Variants in AGTRAP observed in about 807,000 individuals in gnomAD.
AGTRAP encodes type-1 angiotensin II receptor-associated protein.
AGTRAP carries 7 observed loss-of-function variants against 15.2 expected under a neutral mutation model. The ratio of observed to expected loss-of-function variants is 0.46; its 90% confidence interval spans 0.26 to 0.87. The LOEUF (loss-of-function observed/expected upper bound fraction) is 0.87, where lower values mean the gene tolerates loss of function less well. Among genes scored for constraint, AGTRAP ranks in the 40% least tolerant of loss-of-function variants. AGTRAP has a pLI of 0.15. For missense variants in AGTRAP, 187 were observed against 213.4 expected, an observed-to-expected ratio of 0.88 and a Z score of 0.77; for synonymous variants, 74 against 89.6, an observed-to-expected ratio of 0.83 and a Z score of 0.98.
intron 1 of AGTRAP, among the ~76,000 whole-genome samples, chr1:11,741,951 TGAGAAAGGAATTTCTTTTGGGCCACA>T (rs1344655933): frequency 2.0e-5 from 3 of 152,218 alleles, no homozygotes; most frequent in Non-Finnish European, 4.4e-5. Context: ...CTCTTGGAGC[TGAGAAAGGAATTTCTTTTGGGCCACA>T]GAGCCAGGCC....
chr1:11,749,110 C>T (rs988023555), intron 4 of AGTRAP, among the ~76,000 whole-genome samples: 2 of 152,200 alleles, frequency 1.3e-5, no homozygotes, highest in African/African-American at 4.8e-5. Flanking sequence ...CAGCCCTGAA[C>T]AGGGGGCACT....
chr1:11,736,604 C>T (rs1359929893), intron 1 of AGTRAP, among the ~76,000 whole-genome samples: 2 of 152,334 alleles, frequency 1.3e-5, no homozygotes, highest in African/African-American at 2.4e-5. Flanking sequence ...CGGCTCACCT[C>T]CCCCGCGCGG....
chr1:11,744,659 G>A, intron 1 of AGTRAP: 1 of 677,264 alleles, frequency 1.5e-6, no homozygotes, highest in South Asian at 1.6e-5. Context: ...CCACCCTTGT[G>A]TTACAGGAAA....
At chr1:11,747,369 C>T (rs12752700) in intron 2 of AGTRAP, 71 bp from the exon 3 acceptor site, 892,605 of 1,394,300 alleles carry the variant, frequency 0.64, 294,335 homozygotes, top group East Asian at 0.86. Context: ...GGCCCTGAGA[C>T]GCCGGAGCAG....
intron 3 of AGTRAP, among the ~76,000 whole-genome samples, chr1:11,747,793 C>T (rs1642202863): frequency 6.6e-6 from 1 of 152,252 alleles, no homozygotes; most frequent in Non-Finnish European, 1.5e-5. Context: ...TGAGGAAAGC[C>T]ATGGGGTGGG....
At chr1:11,742,945 A>G (rs927651955) in intron 1 of AGTRAP, among the ~76,000 whole-genome samples, 1 of 152,278 alleles carries the variant, frequency 6.6e-6, no homozygotes, top group Admixed American at 6.5e-5. Context: ...CCTCTGCCCC[A>G]GGCATGTGGC....
intron 1 of AGTRAP, among the ~76,000 whole-genome samples, chr1:11,739,465 T>A (rs1641974345): frequency 6.6e-6 from 1 of 151,966 alleles, no homozygotes; most frequent in African/African-American, 2.4e-5. Flanking sequence ...GCACCGAGGA[T>A]CACTTGAACA....
intron 3 of AGTRAP, among the ~76,000 whole-genome samples, chr1:11,748,041 C>T (rs1299411953): frequency 2.0e-5 from 3 of 152,164 alleles, no homozygotes; most frequent in Non-Finnish European, 4.4e-5. Context: ...CTCTTCAAGC[C>T]GAGGCCAGGG....
intron 1 of AGTRAP, among the ~76,000 whole-genome samples, chr1:11,743,245 CTTTTCTTTTT>C (rs545520973): frequency 2.0e-5 from 3 of 151,654 alleles, no homozygotes; most frequent in Non-Finnish European, 4.4e-5. Context: ...TCTGTCTTTT[CTTTTCTTTTT>C]TTTTTTTTGA....
intron 1 of AGTRAP, among the ~76,000 whole-genome samples, chr1:11,741,977 A>G (rs1457159587): frequency 6.6e-6 from 1 of 152,220 alleles, no homozygotes; most frequent in Non-Finnish European, 1.5e-5. Context: ...TTTGGGCCAC[A>G]GAGCCAGGCC....
At chr1:11,748,322 C>G in intron 3 of AGTRAP, 93 bp from the exon 4 acceptor site, 1 of 1,385,072 alleles carries the variant, frequency 7.2e-7, no homozygotes, top group South Asian at 1.3e-5. Flanking sequence ...AAGGACACAG[C>G]AGGGCATGAA....
intron 1 of AGTRAP, among the ~76,000 whole-genome samples, chr1:11,741,871 A>G (rs1445841354): frequency 2.6e-5 from 4 of 152,018 alleles, no homozygotes; most frequent in Non-Finnish European, 2.9e-5. Flanking sequence ...GTAACACACT[A>G]CTCAGCCTGG....
intron 1 of AGTRAP, among the ~76,000 whole-genome samples, chr1:11,742,030 A>C (rs1330104993): frequency 1.3e-5 from 2 of 152,178 alleles, no homozygotes; most frequent in Non-Finnish European, 2.9e-5. Context: ...GGTAAAGGTG[A>C]AGTATCTCAG....
At chr1:11,741,883 CAG>C (rs1465250404) in intron 1 of AGTRAP, among the ~76,000 whole-genome samples, 2 of 152,230 alleles carry the variant, frequency 1.3e-5, no homozygotes, top group East Asian at 3.8e-4. Context: ...TCAGCCTGGT[CAG>C]AGTCTCGAGA....
intron 2 of AGTRAP, 200 bp downstream of exon 2, chr1:11,746,037 C>T (rs1177830230): frequency 1.4e-6 from 2 of 1,380,408 alleles, no homozygotes; most frequent in South Asian, 1.2e-5. Flanking sequence ...CGTGGAAGTG[C>T]TCATCAGAGC....
chr1:11,742,705 A>AT lies in AGTRAP; in HGVS notation c.28-3092dup, dbSNP rs573279090. On this transcript the variant is annotated intron_variant, in intron 1 of 4. Transcript: ENST00000314340. ...TCCACCATACCTGGCTAATTTTTTGATTTTTTGTAGAGATAGGATCTTACT... is the reference window on the plus strand; with the variant it reads ...TCCACCATACCTGGCTAATTTTTTGATTTTTTTGTAGAGATAGGATCTTACT... Among the ~76,000 whole-genome samples, 133 of 151,800 alleles carry AT rather than the reference A, an allele frequency of 8.8e-4. 3 individuals are homozygous for AT. The South Asian group carries it at 0.024, about 28-fold the overall frequency.
intron 1 of AGTRAP, among the ~76,000 whole-genome samples, chr1:11,738,004 A>C (rs781049033): frequency 6.6e-6 from 1 of 152,212 alleles, no homozygotes; most frequent in Non-Finnish European, 1.5e-5. Flanking sequence ...AGTATGAGTA[A>C]GTCTCAGGCA....
intron 2 of AGTRAP, chr1:11,746,366 A>G (rs991056086): frequency 4.3e-6 from 3 of 695,892 alleles, no homozygotes; most frequent in Non-Finnish European, 2.4e-6. Context: ...TAAAAGCAAA[A>G]GATAAGATGG....
chr1:11,740,731 A>G (rs1272225999), intron 1 of AGTRAP, among the ~76,000 whole-genome samples: 1 of 152,182 alleles, frequency 6.6e-6, no homozygotes, highest in African/African-American at 2.4e-5. Flanking sequence ...GGGCCCATTT[A>G]TTAAAGACCT....
Sources: gnomAD v4.1 joint callset for allele counts (sites outside exome capture counted in the v4.1 genomes callset) on GRCh38, gnomAD v4.1.1 for gene constraint, MANE v1.5 for transcripts, NCBI Gene and HGNC (gene_info 2026-07-23, HGNC 2026-07-21) for gene names.